The following PPP2R2C variants were observed in gnomAD, a reference collection of about 807,000 sequenced individuals.
PPP2R2C encodes protein phosphatase 2 regulatory subunit Bgamma.
A neutral mutation model predicts 45.3 loss-of-function variants in PPP2R2C; 10 were observed. That is an observed-to-expected ratio of 0.22 (90% confidence interval 0.14 to 0.37). The LOEUF is 0.37. PPP2R2C is among the 10% of genes least tolerant of loss of function. The pLI, the probability that PPP2R2C is intolerant of heterozygous loss-of-function variation, is 1.00. For missense variants in PPP2R2C, 308 were observed against 619.7 expected (o/e 0.50, Z 5.34); for synonymous variants, 257 against 245.4 (o/e 1.05, Z -0.44).
chr4:6,457,119 G>T (rs1213216755), intron 1 of PPP2R2C, among the ~76,000 whole-genome samples: 1 of 142,346 alleles, frequency 7.0e-6, no homozygotes, highest in Non-Finnish European at 1.5e-5. Context: ...TGAGGCAGGA[G>T]AATTGCTTGA....
chr4:6,535,236 G>A, intron 2 of PPP2R2C: 1 of 1,534,468 alleles, frequency 6.5e-7, no homozygotes. Flanking sequence ...AAGCTCACCG[G>A]CGCTGCTGCC....
chr4:6,365,788 C>T (rs137903662), intron 5 of PPP2R2C, among the ~76,000 whole-genome samples: 25 of 152,256 alleles, frequency 1.6e-4, no homozygotes, highest in East Asian at 5.8e-4. Flanking sequence ...TTCTCCAGGC[C>T]GAGGCTTGGT....
At chr4:6,386,071 C>T (rs1716185941) in intron 1 of PPP2R2C, among the ~76,000 whole-genome samples, 1 of 152,208 alleles carries the variant, frequency 6.6e-6, no homozygotes, top group Non-Finnish European at 1.5e-5. Flanking sequence ...CTAGTAGCTC[C>T]TAGTGCAGCA....
In PPP2R2C at chr4:6,331,772, C is replaced by T. The variant is rs575186674; in HGVS notation, c.960+1790G>A. Among the ~76,000 whole-genome samples the T allele has an allele frequency of 2.4e-4, 37 of 152,228 alleles. No individual in the cohort carries two copies. Among genetic ancestry groups the T allele is most frequent in the African/African-American group, 8.7e-4 (36 of 41,544 alleles). On this transcript the variant is annotated intron_variant, in intron 7 of 8. Transcript: ENST00000382599. The surrounding 1 kb of genome is among the most constrained non-coding windows in gnomAD (Gnocchi z 5.9). ...TGGATCACAGAAGGAACCACTGTGG[C>T]GCTGCCGGGGTCATGGAGCCCCCCC...
chr4:6,375,276 A>G (rs1453399185), intron 4 of PPP2R2C, among the ~76,000 whole-genome samples: 2 of 152,174 alleles, frequency 1.3e-5, no homozygotes, highest in African/African-American at 4.8e-5. Context: ...AGCACTGACT[A>G]CTGCTTTATA....
chr4:6,416,710 C>T (rs1332328140), intron 1 of PPP2R2C, among the ~76,000 whole-genome samples: 1 of 152,250 alleles, frequency 6.6e-6, no homozygotes, highest in African/African-American at 2.4e-5. Flanking sequence ...CCACAGATGC[C>T]AAGCAGCAGC....
chr4:6,372,376 C>T (rs1714904356), intron 5 of PPP2R2C, 147 bp downstream of exon 5: 1 of 806,006 alleles, frequency 1.2e-6, no homozygotes, highest in East Asian at 2.7e-5. Context: ...GCCTCACACG[C>T]ATACTAGGAG....
chr4:6,533,531 A>G (rs1724476911), intron 2 of PPP2R2C, among the ~76,000 whole-genome samples: 1 of 152,332 alleles, frequency 6.6e-6, no homozygotes, highest in Admixed American at 6.5e-5. Context: ...TCAGCACCCC[A>G]TGGCCGGCAC....
chr4:6,383,130 G>T, intron 1 of PPP2R2C: 2 of 1,143,872 alleles, frequency 1.7e-6, no homozygotes, highest in Non-Finnish European at 2.2e-6. Context: ...AAGGGGCTTA[G>T]GTACTGGGGG....
At chr4:6,399,388 A>G (rs1255159159) in intron 1 of PPP2R2C, among the ~76,000 whole-genome samples, 1 of 152,230 alleles carries the variant, frequency 6.6e-6, no homozygotes, top group Non-Finnish European at 1.5e-5. Context: ...AATCGAGTCC[A>G]CCACCCAAGC....
Position 6,326,507 on chromosome 4 carries a change from G to A in PPP2R2C, c.1052+2755C>T, listed in dbSNP as rs1024181804. The stretch of plus-strand genomic sequence containing the variant: ...TGAAGCCTGTTGTGGGAGGGCCTGC[G>A]GGATTCCTCCGGGTAGGTAACCTGG... On this transcript the variant is annotated intron_variant, in intron 8 of 8. Coordinates refer to ENST00000382599, the MANE Select transcript of PPP2R2C (RefSeq NM_020416.4). 8.5e-5 allele frequency among the ~76,000 whole-genome samples: 13 copies of A among 152,286 alleles called. No individual in the cohort carries two copies. The South Asian group carries it at 1.5e-3, about 17-fold the overall frequency.
chr4:6,468,681 G>T (rs927487995), intron 1 of PPP2R2C, among the ~76,000 whole-genome samples: 1 of 152,138 alleles, frequency 6.6e-6, no homozygotes, highest in Non-Finnish European at 1.5e-5. Context: ...CATCACTGCT[G>T]CCCAGGGCAG....
chr4:6,380,541 G>A (rs1315259696), intron 2 of PPP2R2C, among the ~76,000 whole-genome samples: 3 of 152,194 alleles, frequency 2.0e-5, no homozygotes, highest in Admixed American at 6.5e-5. Flanking sequence ...CCAGGACAAC[G>A]CAGGTCACCC....
At chr4:6,461,470 G>C (rs988566015) in intron 1 of PPP2R2C, among the ~76,000 whole-genome samples, 2 of 152,192 alleles carry the variant, frequency 1.3e-5, no homozygotes, top group African/African-American at 4.8e-5. Context: ...AATGGAATGT[G>C]AGGGAAGTCA....
At chr4:6,561,307 G>C (rs761793301) in intron 1 of PPP2R2C, among the ~76,000 whole-genome samples, 2 of 152,210 alleles carry the variant, frequency 1.3e-5, no homozygotes, top group Non-Finnish European at 2.9e-5. Flanking sequence ...AAAGGAACAC[G>C]ATGTTACACA....
At chr4:6,415,180 C>T (rs575866786) in intron 1 of PPP2R2C, among the ~76,000 whole-genome samples, 101 of 152,308 alleles carry the variant, frequency 6.6e-4, no homozygotes, top group Non-Finnish European at 1.4e-3. Flanking sequence ...AGGTGAATAT[C>T]GGGGGGCTTT....
chr4:6,554,521 TACA>T (rs940692730), intron 1 of PPP2R2C, among the ~76,000 whole-genome samples: 2 of 152,178 alleles, frequency 1.3e-5, no homozygotes, highest in Admixed American at 6.5e-5. Context: ...TGTAGACGGC[TACA>T]ACAAGATACC....
At chr4:6,540,072 C>A (rs1312461738) in intron 1 of PPP2R2C, among the ~76,000 whole-genome samples, 1 of 152,206 alleles carries the variant, frequency 6.6e-6, no homozygotes, top group African/African-American at 2.4e-5. Context: ...TTTATTGAGG[C>A]ATAAGCCATA....
rs578125917 is a variant in PPP2R2C at position 6,364,746 on chromosome 4, T to G, written c.625+7777A>C. Among the ~76,000 whole-genome samples the G allele has an allele frequency of 6.6e-6, 1 of 152,050 alleles. No individual in the cohort carries two copies. The highest frequency in any genetic ancestry group is 1.5e-5 in the Non-Finnish European group (1 of 68,016). ...GAGTCCCTATGTCTTGGGGCCAAGG[T>G]CTGAGCCCTGGCAGTCTGGCTCCTA... On this transcript the variant is annotated intron_variant, in intron 5 of 8. Coordinates refer to ENST00000382599, the MANE Select transcript of PPP2R2C (RefSeq NM_020416.4). This position sits in a 1 kb window ranked among gnomAD's most constrained non-coding sequence, Gnocchi z 5.3.
Sources: allele counts gnomAD v4.1 joint callset (sites outside exome capture counted in the v4.1 genomes callset), GRCh38; gene constraint gnomAD v4.1.1; non-coding constraint Gnocchi (gnomAD v3.1); transcripts MANE v1.5; gene names NCBI Gene and HGNC (gene_info 2026-07-23, HGNC 2026-07-21).